The following CLPTM1 variants were observed in gnomAD, a reference collection of about 807,000 sequenced individuals.
The protein encoded by CLPTM1 is CLPTM1 regulator of GABA type A receptor forward trafficking.
Under a neutral mutation model 77.3 loss-of-function variants are expected in CLPTM1, and 21 were observed. That is an observed-to-expected ratio of 0.27 (90% CI 0.19 to 0.39). CLPTM1 has a LOEUF of 0.39. Among genes scored for constraint, CLPTM1 ranks in the 10% least tolerant of loss-of-function variants. The pLI is 1.00. For missense variants in CLPTM1, 642 were observed against 921.2 expected (o/e 0.70, Z 3.92); for synonymous variants, 373 against 381.0 (o/e 0.98, Z 0.24).
chr19:44,991,142 G>T lies in CLPTM1; in HGVS notation c.1420-96G>T. 1.3e-6 allele frequency: 2 copies of T among 1,576,212 alleles called. No homozygotes were observed. The highest frequency in any genetic ancestry group is 1.7e-6 in the Non-Finnish European group (2 of 1,158,398). ...GGCTACCTGGAAATTCCCCCTGCCC[G>T]GCCTGCCAGACCAGGTGTGGTGGGT... On this transcript the variant is annotated intron_variant, in intron 11 of 13. Coordinates refer to ENST00000337392, the MANE Select transcript of CLPTM1 (RefSeq NM_001294.4). This position sits in a 1 kb window ranked among gnomAD's most constrained non-coding sequence, Gnocchi z 5.4.
chr19:44,983,407 C>G (rs1195602609), intron 5 of CLPTM1, among the ~76,000 whole-genome samples: 1 of 149,490 alleles, frequency 6.7e-6, no homozygotes, highest in East Asian at 2.0e-4. Context: ...GATCACGAGG[C>G]CAGGAGATTG....
At chr19:44,967,977 A>C (rs1008296736) in intron 2 of CLPTM1, among the ~76,000 whole-genome samples, 11 of 152,278 alleles carry the variant, frequency 7.2e-5, no homozygotes, top group Admixed American at 2.6e-4. Flanking sequence ...GCAGCTCTGC[A>C]TGAAAATTAT....
At chr19:44,986,430 G>C in intron 6 of CLPTM1, 25 bp from the exon 7 acceptor site, 2 of 1,612,378 alleles carry the variant, frequency 1.2e-6, no homozygotes, top group Non-Finnish European at 1.7e-6. Context: ...CTGCCTCTGA[G>C]GTCCTTCCCC....
At chr19:44,967,629 C>A (rs531227232) in intron 2 of CLPTM1, among the ~76,000 whole-genome samples, 1 of 150,672 alleles carries the variant, frequency 6.6e-6, no homozygotes, top group South Asian at 2.1e-4. Flanking sequence ...TTTACTCCAG[C>A]CTGGGCAACA....
At position 44,974,466 on chromosome 19, in the gene CLPTM1, G is replaced by A. The variant is rs749506329; in HGVS notation, c.337G>A (p.Glu113Lys). Residue 113 changes from glutamate (E) to lysine (K), a missense_variant, in exon 4 of 14, where the codon GAG becomes AAG. Around this residue, in one of 2 missense-constraint regions of CLPTM1, gnomAD observed 521 missense variants for 800.4 expected, o/e 0.65. Coordinates refer to ENST00000337392, the MANE Select transcript of CLPTM1 (RefSeq NM_001294.4). ...CCTGCATGTGTACATCTCAGAGCAC[G>A]AGCACTTTACAGACTTCAACGCCAC... ...MNLHVYISEH[E>K]HFTDFNATSA... 23 of 1,613,856 alleles carry A rather than the reference G, an allele frequency of 1.4e-5. No individual in the cohort carries two copies. The highest frequency in any genetic ancestry group is 2.7e-5 in the African/African-American group (2 of 74,900).
At chr19:44,966,884 C>T (rs1246516892) in intron 2 of CLPTM1, among the ~76,000 whole-genome samples, 1 of 152,060 alleles carries the variant, frequency 6.6e-6, no homozygotes, top group Non-Finnish European at 1.5e-5. Flanking sequence ...CTCCGTCGCC[C>T]AGGCTGGAGT....
chr19:44,970,272 C>T (rs898836559), intron 2 of CLPTM1, among the ~76,000 whole-genome samples: 2 of 147,154 alleles, frequency 1.4e-5, no homozygotes, highest in African/African-American at 5.3e-5. Flanking sequence ...TGTTGTGCAA[C>T]TCCTGGGAAT....
At chr19:44,969,687 C>G (rs1166616372) in intron 2 of CLPTM1, among the ~76,000 whole-genome samples, 1 of 132,520 alleles carries the variant, frequency 7.5e-6, no homozygotes, top group African/African-American at 2.8e-5. Context: ...TTTAAGGACA[C>G]TTTTTTTTTT....
At position 44,970,664 on chromosome 19, in the gene CLPTM1, T is replaced by A. The variant is rs1316873186; in HGVS notation, c.186-2423T>A. Among the ~76,000 whole-genome samples the A allele has an allele frequency of 4.1e-5, 6 of 146,758 alleles. 2 individuals are homozygous for A. The highest frequency in any genetic ancestry group is 1.3e-4 in the African/African-American group (5 of 37,374). On this transcript the variant is annotated intron_variant, in intron 2 of 13. Coordinates refer to ENST00000337392, the MANE Select transcript of CLPTM1 (RefSeq NM_001294.4). ...CACCTACCTCAGCCTCCCAGCGTGCTGGGGTTACAGGTGTGAGCCACCGCG... is the reference window on the plus strand; with the variant it reads ...CACCTACCTCAGCCTCCCAGCGTGCAGGGGTTACAGGTGTGAGCCACCGCG...
upstream of CLPTM1, chr19:44,955,358 C>T: frequency 3.3e-5 from 16 of 480,076 alleles, no homozygotes; most frequent in South Asian, 7.1e-5. Flanking sequence ...GGGGACGGGG[C>T]GGGGCTGGCG....
chr19:44,992,571 G>C lies in CLPTM1; in HGVS notation c.1724-40G>C. ...CACCCAGGCCCACCTGGCTGTGGAC[G>C]GGCCAGCCCGACCTCACACTGCCTC... On this transcript the variant is annotated intron_variant, in intron 13 of 13. Coordinates refer to ENST00000337392, the MANE Select transcript of CLPTM1 (RefSeq NM_001294.4). The surrounding 1 kb of genome is among the most constrained non-coding windows in gnomAD (Gnocchi z 7.7). 1.2e-6 allele frequency: 2 copies of C among 1,609,380 alleles called. No individual in the cohort carries two copies. Among genetic ancestry groups the C allele is most frequent in the South Asian group, 1.1e-5 (1 of 90,928 alleles).
intron 7 of CLPTM1, 98 bp from the exon 8 acceptor site, chr19:44,987,081 G>A (rs1970990116): frequency 2.1e-6 from 3 of 1,458,772 alleles, no homozygotes; most frequent in African/African-American, 1.4e-5. Context: ...TCCAGTCTCT[G>A]TAGAGGGGCC....
intron 8 of CLPTM1, chr19:44,987,741 T>C (rs1251305444): frequency 3.7e-6 from 2 of 546,724 alleles, no homozygotes; most frequent in Non-Finnish European, 6.6e-6. Context: ...CACTGGGTCC[T>C]GAAATGTCAG....
chr19:44,970,231 G>A lies in CLPTM1; in HGVS notation c.186-2856G>A, dbSNP rs533912460. Among the ~76,000 whole-genome samples the A allele has an allele frequency of 8.1e-4, 119 of 146,914 alleles. 5 individuals carry two copies. The highest frequency in any genetic ancestry group is 3.9e-3 in the South Asian group (18 of 4,644). ...TGCCCTTCGTGACTCCTTATCCCAC[G>A]AGTGGCCTTGCATACTTCGCCCTGC... On this transcript the variant is annotated intron_variant, in intron 2 of 13. Coordinates refer to ENST00000337392, the MANE Select transcript of CLPTM1 (RefSeq NM_001294.4).
At chr19:44,954,602 C>G (rs557254006), upstream of CLPTM1, 185 of 1,037,844 alleles carry the variant, frequency 1.8e-4, no homozygotes, top group African/African-American at 2.8e-3. Context: ...AACTAAGGGT[C>G]TCTCAGCAGA....
At position 44,980,417 on chromosome 19, in the gene CLPTM1, G is replaced by A. The variant is rs148947391; in HGVS notation, c.586+2957G>A. ...CCAGTTACTCGGGAAGCTGAGGTGGGAGAATCTTTTGGACCCCGGAGGCGG... is the reference window on the plus strand; with the variant it reads ...CCAGTTACTCGGGAAGCTGAGGTGGAAGAATCTTTTGGACCCCGGAGGCGG... On this transcript the variant is annotated intron_variant, in intron 5 of 13. Transcript: ENST00000337392. Among the ~76,000 whole-genome samples the A allele has an allele frequency of 6.2e-3, 933 of 151,674 alleles. 3 individuals are homozygous for A. The highest frequency in any genetic ancestry group is 0.011 in the Non-Finnish European group (730 of 67,938).
intron 1 of CLPTM1, among the ~76,000 whole-genome samples, chr19:44,956,042 T>C (rs1970459179): frequency 6.6e-6 from 1 of 152,108 alleles, no homozygotes; most frequent in Non-Finnish European, 1.5e-5. Context: ...TGGTTGTGGT[T>C]TTAATGTAAA....
chr19:44,979,020 G>A (rs145283929), intron 5 of CLPTM1, among the ~76,000 whole-genome samples: 1,840 of 143,300 alleles, frequency 0.013, 42 homozygotes, highest in African/African-American at 0.042. Flanking sequence ...TCACTATGTC[G>A]CCCAGGCTGG....
chr19:44,974,901 A>G (rs559752804), intron 4 of CLPTM1, among the ~76,000 whole-genome samples: 1 of 152,226 alleles, frequency 6.6e-6, no homozygotes, highest in African/African-American at 2.4e-5. Flanking sequence ...ATGTTTGCCT[A>G]TCACCAGTTT....
Sources: gnomAD v4.1 joint callset for allele counts (sites outside exome capture counted in the v4.1 genomes callset) on GRCh38, gnomAD v4.1.1 for gene constraint, gnomAD v4.1.1 regional missense constraint, Gnocchi (gnomAD v3.1) non-coding constraint, MANE v1.5 for transcripts, NCBI Gene and HGNC (gene_info 2026-07-23, HGNC 2026-07-21) for gene names.